SLCO1A2: variants seen among roughly 807,000 people sequenced by gnomAD.
SLCO1A2 encodes OATP-1.
SLCO1A2 carries 67 observed loss-of-function variants against 69.0 expected under a neutral mutation model. That is an observed-to-expected ratio of 0.97 (90% CI 0.80 to 1.19). SLCO1A2 has a LOEUF of 1.19. SLCO1A2 is among the 50% of genes most tolerant of loss of function. SLCO1A2 has a pLI of 0.00. For missense variants in SLCO1A2, 787 were observed against 793.7 expected, an observed-to-expected ratio of 0.99 and a Z score of 0.10; for synonymous variants, 260 against 265.9, an observed-to-expected ratio of 0.98 and a Z score of 0.22.
rs771124444 is a variant in SLCO1A2, at chr12:21,378,459, GTTCTAGTGAT to G, written c.-189-3944_-189-3935del. On this transcript the variant is annotated intron_variant, in intron 1 of 15. Transcript: ENST00000307378. ...TGTAACTCTATAGTTATTGTTTTAT[GTTCTAGTGAT>G]TTCCTGTATAATTTAACAGTGCCCT... The G allele has an allele frequency of 1.2e-5, 19 of 1,541,642 alleles. No individual in the cohort carries two copies. In the African/African-American group the frequency reaches 2.2e-4, roughly 18 times the overall value.
chr12:21,278,737 C>A (rs1256073455), intron 12 of SLCO1A2, among the ~76,000 whole-genome samples: 1 of 152,102 alleles, frequency 6.6e-6, no homozygotes, highest in Non-Finnish European at 1.5e-5. Flanking sequence ...ATGGCACAAA[C>A]AAACCCAGAC....
upstream of SLCO1A2, among the ~76,000 whole-genome samples, chr12:21,336,423 C>T (rs12316436): frequency 4.6e-5 from 7 of 151,732 alleles, no homozygotes; most frequent in South Asian, 1.5e-3. Context: ...TTCACTATGT[C>T]TGGAAGATTT....
chr12:21,387,038 T>C (rs1940915538), intron 1 of SLCO1A2, among the ~76,000 whole-genome samples: 1 of 152,204 alleles, frequency 6.6e-6, no homozygotes, highest in East Asian at 1.9e-4. Flanking sequence ...CAAAGGTGAC[T>C]CTTGCTATGC....
chr12:21,278,096 G>C (rs1944195252), intron 12 of SLCO1A2, among the ~76,000 whole-genome samples: 1 of 152,180 alleles, frequency 6.6e-6, no homozygotes, highest in Non-Finnish European at 1.5e-5. Flanking sequence ...AACGTCAGTG[G>C]TGGCCTGGCA....
At chr12:21,356,055 C>T (rs950790314) in intron 2 of SLCO1A2, among the ~76,000 whole-genome samples, 25 of 151,764 alleles carry the variant, frequency 1.6e-4, no homozygotes, top group African/African-American at 5.8e-4. Context: ...CAAATAAAGA[C>T]CCTGTATAAT....
intron 1 of SLCO1A2, among the ~76,000 whole-genome samples, chr12:21,401,928 A>C (rs1043368327): frequency 6.6e-6 from 1 of 151,594 alleles, no homozygotes; most frequent in African/African-American, 2.4e-5. Context: ...ATAATAGCTC[A>C]GCAGAGAAAG....
rs777012747 is a variant in SLCO1A2, at chr12:21,314,663, A to G, written c.221T>C (p.Ile74Thr). ...SFEIGNLLLI[I>T]FVSYFGTKLH... ...TTTGGTTCCAAAATAACTCACAAAT[A>G]TAATCAACAAAAGATTTCCTAGGAA... is the stretch of plus-strand genomic sequence containing the variant. Residue 74 changes from isoleucine (I) to threonine (T), a missense_variant, in exon 4 of 15, where the codon ATA becomes ACA. Ile to Thr is a moderately conservative substitution (Grantham distance 89). Coordinates refer to ENST00000683939, the MANE Select transcript of SLCO1A2 (RefSeq NM_001386879.1). 1.2e-6 allele frequency: 2 copies of G among 1,604,614 alleles called. No individual in the cohort carries two copies. Among genetic ancestry groups the G allele is most frequent in the South Asian group, 2.2e-5 (2 of 90,616 alleles).
At chr12:21,391,429 G>A (rs927449748) in intron 1 of SLCO1A2, among the ~76,000 whole-genome samples, 3 of 152,084 alleles carry the variant, frequency 2.0e-5, no homozygotes, top group Non-Finnish European at 4.4e-5. Context: ...ACTAGTAACA[G>A]CATGCTGAAG....
intron 1 of SLCO1A2, among the ~76,000 whole-genome samples, chr12:21,408,926 G>A (rs1030639621): frequency 1.3e-5 from 2 of 151,458 alleles, no homozygotes; most frequent in Non-Finnish European, 2.9e-5. Flanking sequence ...ACTTTTTAAA[G>A]GCTGGTAGAA....
At chr12:21,338,035 A>G (rs1470883981), upstream of SLCO1A2, among the ~76,000 whole-genome samples, 1 of 152,046 alleles carries the variant, frequency 6.6e-6, no homozygotes, top group African/African-American at 2.4e-5. Flanking sequence ...TACTAACTCT[A>G]GATAATAGAC....
chr12:21,395,508 G>C (rs901416941), upstream of SLCO1A2: 1 of 153,658 alleles, frequency 6.5e-6, no homozygotes, highest in Non-Finnish European at 1.4e-5. Flanking sequence ...GCTCGAACTG[G>C]GTGGAGCCCA....
intron 4 of SLCO1A2, among the ~76,000 whole-genome samples, chr12:21,307,295 A>G (rs1466678249): frequency 6.6e-6 from 1 of 152,186 alleles, no homozygotes; most frequent in Non-Finnish European, 1.5e-5. Context: ...AATTATTATG[A>G]GATAAGGAAC....
rs368319612 is a variant in SLCO1A2, at chr12:21,295,692, A to G, written c.1176T>C (p.Cys392=). 3.1e-6 allele frequency: 5 copies of G among 1,607,970 alleles called. No homozygotes were observed. The South Asian group carries it at 4.4e-5, about 14-fold the overall frequency. ...GAAGATACTCAAGTAAGGATAACCA[A>G]CATCCTATGTGGGCAGCTTGTTTGA... ...ITVKQAAHIG[C]WLSLLEYLLY... Residue 392 remains cysteine, a synonymous_variant, in exon 10 of 15, where the codon TGT becomes TGC. Coordinates refer to ENST00000683939, the MANE Select transcript of SLCO1A2 (RefSeq NM_001386879.1).
upstream of SLCO1A2, among the ~76,000 whole-genome samples, chr12:21,396,611 G>A (rs1193240747): frequency 6.6e-6 from 1 of 151,892 alleles, no homozygotes; most frequent in East Asian, 1.9e-4. Flanking sequence ...AATGTTAAGG[G>A]CAGCCAGAGA....
chr12:21,382,807 AAAG>A (rs1940671978), intron 1 of SLCO1A2, among the ~76,000 whole-genome samples: 2 of 151,740 alleles, frequency 1.3e-5, no homozygotes, highest in Non-Finnish European at 1.5e-5. Context: ...AAAAAAAAAA[AAAG>A]AAAGAAAAGA....
chr12:21,354,637 T>C (rs1424934599), intron 2 of SLCO1A2, among the ~76,000 whole-genome samples: 1 of 152,214 alleles, frequency 6.6e-6, no homozygotes, highest in East Asian at 1.9e-4. Flanking sequence ...TCTGTTTCTG[T>C]CCTTACCTGA....
intron 8 of SLCO1A2, among the ~76,000 whole-genome samples, chr12:21,299,770 G>GTA (rs749456623): frequency 0.084 from 10,873 of 129,460 alleles, 516 homozygotes; most frequent in African/African-American, 0.11. Flanking sequence ...ATATACGTGT[G>GTA]TATATATATA....
chr12:21,359,964 A>T (rs536661748), intron 2 of SLCO1A2, among the ~76,000 whole-genome samples: 4 of 152,316 alleles, frequency 2.6e-5, no homozygotes, highest in African/African-American at 9.6e-5. Flanking sequence ...ACAATTTAAA[A>T]TATGCACATG....
intron 2 of SLCO1A2, chr12:21,319,232 A>G: frequency 1.2e-6 from 1 of 820,934 alleles, no homozygotes; most frequent in South Asian, 1.4e-5. Flanking sequence ...ATGTCTTCAG[A>G]GCTACAATGA....
Sources: gnomAD v4.1 joint callset for allele counts (sites outside exome capture counted in the v4.1 genomes callset) on GRCh38, gnomAD v4.1.1 for gene constraint, MANE v1.5 for transcripts, NCBI Gene and HGNC (gene_info 2026-07-23, HGNC 2026-07-21) for gene names.